Variants in HS2ST1 observed in about 807,000 individuals in gnomAD.
HS2ST1 encodes the protein 2-O-sulfotransferase.
Under a neutral mutation model 42.9 loss-of-function variants are expected in HS2ST1, and 18 were observed. The ratio of observed to expected loss-of-function variants is 0.42; its 90% CI spans 0.29 to 0.62. HS2ST1 has a LOEUF of 0.62. Among genes scored for constraint, HS2ST1 ranks in the 20% least tolerant of loss-of-function variants. HS2ST1 has a pLI of 0.21. For synonymous variants in HS2ST1, 146 were observed against 152.9 expected, an observed-to-expected ratio of 0.95 and a Z score of 0.33; for missense variants, 334 against 433.8, an observed-to-expected ratio of 0.77 and a Z score of 2.04.
intron 2 of HS2ST1, 64 bp downstream of exon 2, chr1:87,073,236 C>A: frequency 8.8e-7 from 1 of 1,130,516 alleles, no homozygotes; most frequent in Non-Finnish European, 1.3e-6. Context: ...TTTTCTAGCT[C>A]AAGGGGATAA....
intron 1 of HS2ST1, among the ~76,000 whole-genome samples, chr1:86,938,255 T>C (rs747686321): frequency 1.3e-5 from 2 of 152,216 alleles, no homozygotes; most frequent in Non-Finnish European, 2.9e-5. Context: ...GGTGAACTTA[T>C]TTTCTTGCTG....
rs1570551226 is a variant in HS2ST1 at position 87,105,473 on chromosome 1, T to G, written c.*777T>G. ...AGTAAGTTTAGTATTTGTTTCTCCA[T>G]GGGTTATTTGTAAAGCTGTAAACTG... On this transcript the variant is annotated 3_prime_UTR_variant, in exon 7 of 7. Transcript: ENST00000370550. The G allele has an allele frequency of 2.0e-5, 3 of 152,364 alleles. No homozygotes were observed. The South Asian group carries it at 6.2e-4, about 32-fold the overall frequency. 9.4% of individuals were successfully genotyped at this position (152,364 alleles called of 1,614,324 possible).
intron 1 of HS2ST1, among the ~76,000 whole-genome samples, chr1:86,960,185 T>C (rs933363877): frequency 7.2e-5 from 10 of 139,770 alleles, no homozygotes; most frequent in Non-Finnish European, 1.2e-4. Flanking sequence ...TTTCCACAAG[T>C]GGCACTGGAA....
chr1:86,929,077 T>A (rs1660481681), intron 1 of HS2ST1, among the ~76,000 whole-genome samples: 1 of 151,976 alleles, frequency 6.6e-6, no homozygotes, highest in South Asian at 2.1e-4. Context: ...GTTTTATGTG[T>A]ATAGTTTCAT....
chr1:86,942,855 A>G (rs957017192), intron 1 of HS2ST1, among the ~76,000 whole-genome samples: 2 of 152,120 alleles, frequency 1.3e-5, no homozygotes, highest in African/African-American at 4.8e-5. Flanking sequence ...TCTGAACTCT[A>G]CTTTAGTCAA....
intron 1 of HS2ST1, among the ~76,000 whole-genome samples, chr1:86,931,567 A>G (rs561744335): frequency 6.6e-6 from 1 of 152,170 alleles, no homozygotes; most frequent in East Asian, 1.9e-4. Context: ...AGTTTTATTA[A>G]ATAATAACAA....
At chr1:86,955,022 G>T (rs1647637890) in intron 1 of HS2ST1, among the ~76,000 whole-genome samples, 1 of 152,004 alleles carries the variant, frequency 6.6e-6, no homozygotes, top group South Asian at 2.1e-4. Flanking sequence ...CACTTGAACT[G>T]GGGAGATCGA....
At chr1:87,009,284 A>G (rs1025823340) in intron 1 of HS2ST1, among the ~76,000 whole-genome samples, 1 of 152,198 alleles carries the variant, frequency 6.6e-6, no homozygotes, top group Non-Finnish European at 1.5e-5. Context: ...GTGATAATTA[A>G]CCTTCTTTCC....
intron 1 of HS2ST1, among the ~76,000 whole-genome samples, chr1:87,014,702 C>T (rs1412896056): frequency 6.6e-6 from 1 of 152,184 alleles, no homozygotes; most frequent in Non-Finnish European, 1.5e-5. Flanking sequence ...AAAACCACAA[C>T]CATGTACAAA....
At chr1:87,025,202 C>CT (rs1487365479) in intron 1 of HS2ST1, among the ~76,000 whole-genome samples, 4 of 152,152 alleles carry the variant, frequency 2.6e-5, no homozygotes, top group African/African-American at 9.7e-5. Context: ...AACAGGGGAC[C>CT]TGCAGACTGG....
chr1:87,015,019 T>C (rs1430941329), intron 1 of HS2ST1, among the ~76,000 whole-genome samples: 2 of 150,642 alleles, frequency 1.3e-5, no homozygotes, highest in East Asian at 4.0e-4. Flanking sequence ...TGCCTTTACT[T>C]AGCAGTAACT....
At chr1:87,022,645 T>C (rs770193344) in intron 1 of HS2ST1, among the ~76,000 whole-genome samples, 6 of 152,092 alleles carry the variant, frequency 3.9e-5, no homozygotes, top group Non-Finnish European at 8.8e-5. Flanking sequence ...ACCTTGTGAG[T>C]TAATAAGGTA....
intron 1 of HS2ST1, among the ~76,000 whole-genome samples, chr1:87,025,139 A>T (rs1311892635): frequency 1.3e-5 from 2 of 151,306 alleles, no homozygotes; most frequent in African/African-American, 4.9e-5. Context: ...GAGGTAACTG[A>T]GTGATAATAA....
intron 1 of HS2ST1, among the ~76,000 whole-genome samples, chr1:86,926,478 T>C (rs1258608250): frequency 1.3e-5 from 2 of 152,242 alleles, no homozygotes; most frequent in Admixed American, 6.5e-5. Context: ...CAGGCAGTCA[T>C]AAGACTCACT....
chr1:87,013,814 G>C lies in HS2ST1; in HGVS notation c.125-59120G>C, dbSNP rs10747336. Among the ~76,000 whole-genome samples, 335 of 152,168 alleles carry C rather than the reference G, an allele frequency of 2.2e-3. 2 individuals are homozygous for C. The highest frequency in any genetic ancestry group is 7.6e-3 in the African/African-American group (314 of 41,476). ...TCACCTCTTGAACACTTTGCTGCTTGGAAATTTCTTCCACCAGATACCCTA... is the reference window on the plus strand; with the variant it reads ...TCACCTCTTGAACACTTTGCTGCTTCGAAATTTCTTCCACCAGATACCCTA... On this transcript the variant is annotated intron_variant, in intron 1 of 6. Coordinates refer to ENST00000370550, the MANE Select transcript of HS2ST1 (RefSeq NM_012262.4).
intron 1 of HS2ST1, among the ~76,000 whole-genome samples, chr1:86,967,243 C>T (rs977203008): frequency 4.6e-5 from 7 of 151,960 alleles, no homozygotes; most frequent in African/African-American, 1.5e-4. Context: ...CTAAAAGTGG[C>T]GTATTAACTA....
At chr1:86,967,363 G>C (rs1461541427) in intron 1 of HS2ST1, among the ~76,000 whole-genome samples, 1 of 152,090 alleles carries the variant, frequency 6.6e-6, no homozygotes, top group Non-Finnish European at 1.5e-5. Context: ...GGATTATATC[G>C]TGGTGAATTC....
chr1:87,101,259 G>A (rs1446982857), intron 5 of HS2ST1, among the ~76,000 whole-genome samples: 60 of 141,776 alleles, frequency 4.2e-4, no homozygotes, highest in African/African-American at 1.5e-3. Flanking sequence ...TCCGCCTCCC[G>A]GGCTCAGGCA....
At chr1:87,081,144 A>G (rs1651676278) in intron 2 of HS2ST1, among the ~76,000 whole-genome samples, 1 of 152,226 alleles carries the variant, frequency 6.6e-6, no homozygotes, top group Non-Finnish European at 1.5e-5. Context: ...TCAGCACTGG[A>G]CAGAACACCC....
Sources: allele counts gnomAD v4.1 joint callset (sites outside exome capture counted in the v4.1 genomes callset), GRCh38; gene constraint gnomAD v4.1.1; transcripts MANE v1.5; gene names NCBI Gene and HGNC (gene_info 2026-07-23, HGNC 2026-07-21).